MSH3: variants seen among roughly 807,000 people sequenced by gnomAD.
MSH3 encodes DNA mismatch repair protein Msh3.
A neutral mutation model predicts 123.3 loss-of-function variants in MSH3; 106 were observed. That is an observed-to-expected ratio of 0.86 (90% CI 0.73 to 1.01). The LOEUF (loss-of-function observed/expected upper bound fraction) is 1.01, where lower values mean the gene tolerates loss of function less well. Among genes scored for constraint, MSH3 ranks in the 50% least tolerant of loss-of-function variants. MSH3 has a pLI of 0.00. For synonymous variants in MSH3, 515 were observed against 481.4 expected, an observed-to-expected ratio of 1.07 and a Z score of -0.91; for missense variants, 1,459 against 1,347.6, an observed-to-expected ratio of 1.08 and a Z score of -1.29.
chr5:80,808,882 T>C (rs969167015), intron 19 of MSH3, among the ~76,000 whole-genome samples: 10 of 136,046 alleles, frequency 7.4e-5, no homozygotes, highest in Non-Finnish European at 1.1e-4. Context: ...TATATATATA[T>C]ACACAATCTA....
chr5:80,711,726 C>T (rs2112845502), intron 8 of MSH3, among the ~76,000 whole-genome samples: 1 of 152,116 alleles, frequency 6.6e-6, no homozygotes, highest in East Asian at 1.9e-4. Flanking sequence ...GTCATCTCGG[C>T]TCACTGCAAC....
intron 5 of MSH3, among the ~76,000 whole-genome samples, 178 bp from the exon 6 acceptor site, chr5:80,672,563 T>G (rs1021628418): frequency 6.6e-6 from 1 of 152,228 alleles, no homozygotes; most frequent in African/African-American, 2.4e-5. Context: ...ATTTTTAAAC[T>G]CTATGATAGT....
chr5:80,684,026 C>G (rs1472630691), intron 8 of MSH3, among the ~76,000 whole-genome samples: 1 of 152,114 alleles, frequency 6.6e-6, no homozygotes, highest in Non-Finnish European at 1.5e-5. Context: ...GTTTTCTGTT[C>G]TGTTCCAGTG....
At chr5:80,739,732 C>T (rs1022423432) in intron 10 of MSH3, among the ~76,000 whole-genome samples, 1 of 152,188 alleles carries the variant, frequency 6.6e-6, no homozygotes, top group Non-Finnish European at 1.5e-5. Flanking sequence ...CATTACACTA[C>T]CAAAGGACAG....
In MSH3 at chr5:80,666,502, T is replaced by G. The variant is rs557017189; in HGVS notation, c.579+1139T>G. Among the ~76,000 whole-genome samples, 4 of 152,358 alleles carry G rather than the reference T, an allele frequency of 2.6e-5. No homozygotes were observed. In the East Asian group the frequency reaches 7.7e-4, roughly 29 times the overall value. ...AAGGTGTTTTTGTTTTTAGTCTCTTTTAATACTTAGAAGCAGTTCACCTAA... is the reference window on the plus strand; with the variant it reads ...AAGGTGTTTTTGTTTTTAGTCTCTTGTAATACTTAGAAGCAGTTCACCTAA... On this transcript the variant is annotated intron_variant, in intron 3 of 23. Transcript: ENST00000265081.
intron 23 of MSH3, among the ~76,000 whole-genome samples, chr5:80,874,708 G>A (rs901426058): frequency 6.6e-6 from 1 of 151,974 alleles, no homozygotes; most frequent in Non-Finnish European, 1.5e-5. Flanking sequence ...ATGCAAGATA[G>A]CAATAAAATA....
At position 80,820,122 on chromosome 5, in the gene MSH3, A is replaced by G. The variant is rs531780169; in HGVS notation, c.2813+6381A>G. ...GCTTGCAGAAAATTCAAAATAGCTT[A>G]AGTGAATAAATAAGGATGAGGGCTT... On this transcript the variant is annotated intron_variant, in intron 20 of 23. Transcript: ENST00000265081. Among the ~76,000 whole-genome samples the G allele has an allele frequency of 2.0e-5, 3 of 152,334 alleles. No homozygotes were observed. In the East Asian group the frequency reaches 5.8e-4, roughly 29 times the overall value.
intron 8 of MSH3, among the ~76,000 whole-genome samples, chr5:80,702,266 C>G (rs1750630292): frequency 6.6e-6 from 1 of 152,172 alleles, no homozygotes; most frequent in African/African-American, 2.4e-5. Flanking sequence ...CTTGGCCTGG[C>G]TGAGCTGGGC....
chr5:80,772,807 A>G (rs1744234359), intron 15 of MSH3, among the ~76,000 whole-genome samples: 1 of 152,218 alleles, frequency 6.6e-6, no homozygotes, highest in South Asian at 2.1e-4. Flanking sequence ...AGCTAGCAGA[A>G]GACAACTCTG....
At chr5:80,809,917 T>A (rs1478383246) in intron 19 of MSH3, among the ~76,000 whole-genome samples, 1 of 152,038 alleles carries the variant, frequency 6.6e-6, no homozygotes, top group Admixed American at 6.6e-5. Flanking sequence ...TTTTTTATGA[T>A]TTCAGCCAAT....
chr5:80,667,843 C>G (rs1372044930), intron 3 of MSH3, among the ~76,000 whole-genome samples: 1 of 152,216 alleles, frequency 6.6e-6, no homozygotes, highest in Non-Finnish European at 1.5e-5. Flanking sequence ...AGGTCCACAG[C>G]TCTTCTCTCC....
At position 80,768,131 on chromosome 5, in the gene MSH3, G is replaced by T; in HGVS notation, c.2084+11G>T. On this transcript the variant is annotated intron_variant, in intron 14 of 23. Transcript: ENST00000265081. ...TGAACAAGCTGCCAAGTAAGTACCA[G>T]ACCCTGAATTCTTCCTTTTCACCAG... The T allele has an allele frequency of 6.2e-7, 1 of 1,611,134 alleles. No homozygotes were observed. The highest frequency in any genetic ancestry group is 1.1e-5 in the South Asian group (1 of 91,034).
intron 20 of MSH3, among the ~76,000 whole-genome samples, chr5:80,816,710 A>T (rs1338548821): frequency 1.3e-5 from 2 of 152,196 alleles, no homozygotes; most frequent in Non-Finnish European, 2.9e-5. Context: ...TTTAAGTGGA[A>T]AGGAGTCATA....
At chr5:80,834,079 C>A (rs1745465648) in intron 20 of MSH3, among the ~76,000 whole-genome samples, 1 of 152,164 alleles carries the variant, frequency 6.6e-6, no homozygotes, top group Non-Finnish European at 1.5e-5. Context: ...ATGACTGGTT[C>A]ATGAGCCAGT....
At chr5:80,714,130 C>CTTTTTT (rs34918629) in intron 8 of MSH3, among the ~76,000 whole-genome samples, 36 of 85,808 alleles carry the variant, frequency 4.2e-4, no homozygotes, top group Non-Finnish European at 5.0e-4. Context: ...TTCAAATAGA[C>CTTTTTT]TTTTTTTTTT....
chr5:80,675,451 A>G (rs1158609915), intron 7 of MSH3, among the ~76,000 whole-genome samples: 1 of 152,118 alleles, frequency 6.6e-6, no homozygotes, highest in African/African-American at 2.4e-5. Flanking sequence ...CAGGAAACTT[A>G]CAATCATGGC....
intron 3 of MSH3, among the ~76,000 whole-genome samples, chr5:80,665,854 A>C (rs6151618): frequency 0.28 from 42,115 of 151,996 alleles, 6,053 homozygotes; most frequent in Middle Eastern, 0.35. Flanking sequence ...TGGTTTTCAT[A>C]ACTGCAGAAT....
At chr5:80,822,802 G>T (rs992827377) in intron 20 of MSH3, among the ~76,000 whole-genome samples, 4 of 152,178 alleles carry the variant, frequency 2.6e-5, no homozygotes, top group Admixed American at 2.0e-4. Flanking sequence ...GAAGTGGCTG[G>T]CATGGAAGGT....
intron 2 of MSH3, among the ~76,000 whole-genome samples, chr5:80,661,568 G>C (rs1332601000): frequency 1.4e-5 from 2 of 139,384 alleles, no homozygotes; most frequent in Non-Finnish European, 3.2e-5. Context: ...AATTCCTTTT[G>C]CTCCTCTTTT....
Sources: allele counts gnomAD v4.1 joint callset (sites outside exome capture counted in the v4.1 genomes callset), GRCh38; gene constraint gnomAD v4.1.1; transcripts MANE v1.5; gene names NCBI Gene and HGNC (gene_info 2026-07-23, HGNC 2026-07-21).